The following ATG7 variants were observed in gnomAD, a reference collection of about 807,000 sequenced individuals.
ATG7 encodes the protein autophagy related 7, also known as ubiquitin-like modifier-activating enzyme ATG7.
Under a neutral mutation model 82.4 loss-of-function variants are expected in ATG7, and 70 were observed. The observed-to-expected ratio is 0.85, with a 90% CI of 0.70 to 1.04. The LOEUF (loss-of-function observed/expected upper bound fraction) is 1.04, where lower values mean the gene tolerates loss of function less well. Among genes scored for constraint, ATG7 ranks in the 50% least tolerant of loss-of-function variants. The pLI, the probability that ATG7 is intolerant of heterozygous loss-of-function variation, is 0.00. For synonymous variants in ATG7, 287 were observed against 313.0 expected (o/e 0.92, Z 0.88); for missense variants, 792 against 864.3 (o/e 0.92, Z 1.05).
At chr3:11,461,575 A>G (rs2152998953) in intron 20 of ATG7, among the ~76,000 whole-genome samples, 1 of 152,278 alleles carries the variant, frequency 6.6e-6, no homozygotes, top group East Asian at 1.9e-4. Context: ...CAAGCATTTA[A>G]TCTCTCTCAC....
chr3:11,384,147 C>A (rs1488155779), intron 19 of ATG7, among the ~76,000 whole-genome samples: 4 of 152,164 alleles, frequency 2.6e-5, no homozygotes, highest in Non-Finnish European at 5.9e-5. Context: ...TTTCTGGTAC[C>A]CAGAAGTTGA....
intron 9 of ATG7, among the ~76,000 whole-genome samples, chr3:11,318,321 A>G (rs1388964106): frequency 6.6e-6 from 1 of 152,162 alleles, no homozygotes; most frequent in Non-Finnish European, 1.5e-5. Flanking sequence ...TTCTCACACC[A>G]CCTAAGGTCT....
intron 18 of ATG7, among the ~76,000 whole-genome samples, chr3:11,374,969 A>C (rs556773989): frequency 5.4e-5 from 8 of 148,932 alleles, no homozygotes; most frequent in Admixed American, 2.0e-4. Context: ...TTGGGAGGCC[A>C]AGGTGGGAGG....
At chr3:11,518,490 T>C (rs2092345780) in intron 20 of ATG7, among the ~76,000 whole-genome samples, 1 of 150,134 alleles carries the variant, frequency 6.7e-6, no homozygotes, top group African/African-American at 2.5e-5. Flanking sequence ...GAGGTTGCAG[T>C]GGCCTGAGAT....
At chr3:11,337,281 C>T (rs907516972) in intron 11 of ATG7, among the ~76,000 whole-genome samples, 7 of 152,064 alleles carry the variant, frequency 4.6e-5, no homozygotes, top group African/African-American at 1.2e-4. Context: ...GGTGAAACCC[C>T]GTCTCTACTA....
At chr3:11,295,759 A>ATTTC (rs1297806067) in intron 3 of ATG7, among the ~76,000 whole-genome samples, 9 of 144,138 alleles carry the variant, frequency 6.2e-5, no homozygotes, top group African/African-American at 1.8e-4. Context: ...TACTGGTTCT[A>ATTTC]TTTCTTTCTT....
chr3:11,443,861 AT>A (rs1445808075), intron 20 of ATG7, among the ~76,000 whole-genome samples: 2 of 152,146 alleles, frequency 1.3e-5, no homozygotes, highest in Non-Finnish European at 2.9e-5. Context: ...AGCTTAAAAC[AT>A]TTTATATAGA....
chr3:11,491,561 T>A (rs1575008790), intron 20 of ATG7, among the ~76,000 whole-genome samples: 1 of 152,080 alleles, frequency 6.6e-6, no homozygotes, highest in East Asian at 1.9e-4. Context: ...CTTTTTAGAG[T>A]TTCCAGTTTT....
At chr3:11,535,475 C>G (rs1421527806) in intron 20 of ATG7, among the ~76,000 whole-genome samples, 1 of 152,130 alleles carries the variant, frequency 6.6e-6, no homozygotes, top group South Asian at 2.1e-4. Context: ...AGGGGCCAGG[C>G]AGGTCTCAGA....
At chr3:11,403,305 G>A (rs1184300221) in intron 19 of ATG7, among the ~76,000 whole-genome samples, 12 of 151,752 alleles carry the variant, frequency 7.9e-5, no homozygotes, top group Non-Finnish European at 1.3e-4. Context: ...AAGAGAGAAT[G>A]GAGAATAATA....
chr3:11,472,627 T>C (rs2153018298), intron 20 of ATG7, among the ~76,000 whole-genome samples: 1 of 152,320 alleles, frequency 6.6e-6, no homozygotes, highest in South Asian at 2.1e-4. Flanking sequence ...TTATCTTACC[T>C]TTCTTTTTTG....
intron 13 of ATG7, among the ~76,000 whole-genome samples, chr3:11,343,831 C>A (rs936465200): frequency 9.2e-5 from 14 of 152,044 alleles, no homozygotes; most frequent in Admixed American, 9.2e-4. Context: ...ACTCATTGAT[C>A]TATTTTTTTA....
At chr3:11,334,886 G>A (rs1268390919) in intron 11 of ATG7, among the ~76,000 whole-genome samples, 1 of 150,870 alleles carries the variant, frequency 6.6e-6, no homozygotes, top group Admixed American at 6.6e-5. Context: ...GAACCTGGGA[G>A]GTGGAGGTGT....
chr3:11,403,247 CAA>C (rs937182224), intron 19 of ATG7, among the ~76,000 whole-genome samples: 29 of 151,784 alleles, frequency 1.9e-4, no homozygotes, highest in African/African-American at 7.0e-4. Flanking sequence ...GAAGTCTTGA[CAA>C]GAGTCTTTTG....
chr3:11,286,102 C>T (rs1464880911), intron 3 of ATG7, among the ~76,000 whole-genome samples: 2 of 152,182 alleles, frequency 1.3e-5, no homozygotes, highest in Non-Finnish European at 2.9e-5. Flanking sequence ...ATCCAAACAC[C>T]ACAGATGCTG....
chr3:11,395,414 A>G (rs2079129555), intron 19 of ATG7, among the ~76,000 whole-genome samples: 1 of 152,170 alleles, frequency 6.6e-6, no homozygotes, highest in Non-Finnish European at 1.5e-5. Flanking sequence ...TAACAGTACA[A>G]ATAAAACTAA....
At chr3:11,567,139 G>A in the ATG7 span, among the ~76,000 whole-genome samples, 2 of 152,128 alleles carry the variant, frequency 1.3e-5, no homozygotes, top group African/African-American at 2.4e-5. Context: ...TCTCCAGCAG[G>A]GGCACGCGCT....
intron 19 of ATG7, among the ~76,000 whole-genome samples, chr3:11,416,256 C>T (rs1180704280): frequency 6.6e-6 from 1 of 152,230 alleles, no homozygotes; most frequent in Non-Finnish European, 1.5e-5. Flanking sequence ...CTTCTGTCTT[C>T]TGAAAGAGAT....
At chr3:11,503,882 A>T (rs1174968501) in intron 20 of ATG7, among the ~76,000 whole-genome samples, 1 of 152,174 alleles carries the variant, frequency 6.6e-6, no homozygotes, top group Non-Finnish European at 1.5e-5. Context: ...CTAAGCAAAA[A>T]GACAAAGAAA....
Sources: allele counts gnomAD v4.1 joint callset (sites outside exome capture counted in the v4.1 genomes callset), GRCh38; gene constraint gnomAD v4.1.1; transcripts MANE v1.5; gene names NCBI Gene and HGNC (gene_info 2026-07-23, HGNC 2026-07-21).